HERC4: variants seen among roughly 807,000 people sequenced by gnomAD.
The protein encoded by HERC4 is probable E3 ubiquitin-protein ligase HERC4.
In HERC4, 28 loss-of-function variants were observed where a neutral mutation model predicts 124.3. The ratio of observed to expected loss-of-function variants is 0.23; its 90% CI spans 0.17 to 0.31. The LOEUF (loss-of-function observed/expected upper bound fraction) is 0.31, where lower values mean the gene tolerates loss of function less well. Ranked by LOEUF, HERC4 falls within the 10% of genes least tolerant of loss-of-function variation. The pLI is 1.00. For missense variants in HERC4, 713 were observed against 1,229.3 expected (o/e 0.58, Z 6.28); for synonymous variants, 407 against 421.5 (o/e 0.97, Z 0.42).
intron 7 of HERC4, among the ~76,000 whole-genome samples, chr10:68,030,286 C>T (rs1419632174): frequency 6.6e-6 from 1 of 151,528 alleles, no homozygotes; most frequent in African/African-American, 2.4e-5. Context: ...CAAAAAAATA[C>T]AAAAAATAGC....
intron 16 of HERC4, chr10:67,965,161 T>A (rs769698817): frequency 7.2e-5 from 11 of 152,234 alleles, no homozygotes; most frequent in Non-Finnish European, 1.3e-4. Context: ...TGAAATTCTC[T>A]CTGCCCTGAT....
chr10:68,052,715 T>A (rs1374288904), intron 3 of HERC4, among the ~76,000 whole-genome samples: 1 of 152,198 alleles, frequency 6.6e-6, no homozygotes, highest in East Asian at 1.9e-4. Context: ...TATCATCAAC[T>A]CCAATTCATT....
chr10:68,005,982 G>A (rs2037520924), intron 9 of HERC4, among the ~76,000 whole-genome samples: 3 of 152,088 alleles, frequency 2.0e-5, no homozygotes, highest in African/African-American at 7.2e-5. Flanking sequence ...AGGTTACCAG[G>A]CTTGCAAACA....
chr10:67,997,656 T>A (rs2036970218), intron 9 of HERC4, among the ~76,000 whole-genome samples: 2 of 152,298 alleles, frequency 1.3e-5, no homozygotes, highest in Admixed American at 1.3e-4. Context: ...AAGAGGTGAT[T>A]ATTAAAATTA....
At chr10:68,014,764 A>C (rs2038164535) in intron 8 of HERC4, among the ~76,000 whole-genome samples, 1 of 152,204 alleles carries the variant, frequency 6.6e-6, no homozygotes, top group Admixed American at 6.5e-5. Context: ...ACAGATCTGA[A>C]GCTAAGGATG....
intron 8 of HERC4, among the ~76,000 whole-genome samples, chr10:68,015,790 T>G (rs2038226334): frequency 6.6e-6 from 1 of 152,138 alleles, no homozygotes; most frequent in South Asian, 2.1e-4. Flanking sequence ...TGAATCATCT[T>G]GGGGTGAATC....
At chr10:67,969,946 T>G (rs551912388) in intron 15 of HERC4, among the ~76,000 whole-genome samples, 81 of 152,248 alleles carry the variant, frequency 5.3e-4, no homozygotes, top group African/African-American at 1.7e-3. Context: ...AGTTTACAAC[T>G]GACAAGAGGA....
At chr10:68,062,749 G>C (rs542256995) in intron 3 of HERC4, among the ~76,000 whole-genome samples, 1 of 151,786 alleles carries the variant, frequency 6.6e-6, no homozygotes, top group African/African-American at 2.4e-5. Context: ...AACAGAATGA[G>C]ACTCCATCTC....
chr10:67,934,968 T>C (rs1245854909), intron 22 of HERC4, among the ~76,000 whole-genome samples: 1 of 151,734 alleles, frequency 6.6e-6, no homozygotes, highest in Non-Finnish European at 1.5e-5. Context: ...CAAATGAGTT[T>C]TTTTTTTTTC....
intron 9 of HERC4, chr10:67,994,496 G>C (rs1010662217): frequency 6.6e-6 from 1 of 152,078 alleles, no homozygotes; most frequent in Non-Finnish European, 1.5e-5. Context: ...GCAGTGGCGC[G>C]ATCTTGGTTC....
intron 16 of HERC4, among the ~76,000 whole-genome samples, chr10:67,963,636 T>C (rs1329053684): frequency 6.6e-6 from 1 of 152,238 alleles, no homozygotes; most frequent in Non-Finnish European, 1.5e-5. Context: ...ACACTGGGCT[T>C]CTTAAGAAAT....
chr10:68,065,679 G>C (rs908147846), intron 3 of HERC4, among the ~76,000 whole-genome samples: 11 of 152,068 alleles, frequency 7.2e-5, no homozygotes, highest in Non-Finnish European at 1.2e-4. Flanking sequence ...GGGCAAAAGA[G>C]TGGAACCCTG....
chr10:68,070,246 G>A (rs769036704), intron 3 of HERC4: 174 of 976,610 alleles, frequency 1.8e-4, no homozygotes, highest in Non-Finnish European at 2.0e-4. Flanking sequence ...AATCATTAAC[G>A]AATTATTCCA....
rs1237269885 is a variant in HERC4, at chr10:68,034,080, G to C, written c.570C>G (p.Ile190Met). Residue 190 changes from isoleucine (I) to methionine (M), a missense_variant, in exon 6 of 25, where the codon ATC becomes ATG. By Grantham distance (10) the Ile-to-Met change is conservative (BLOSUM62 1). Coordinates refer to ENST00000373700, the MANE Select transcript of HERC4 (RefSeq NM_015601.4). Reference protein sequence around the residue: ...SPQLLKSLLGIPFMQVAAGGA... With the variant: ...SPQLLKSLLGMPFMQVAAGGA... ...CTCCTGCTGCAACTTGCATGAAAGG[G>C]ATTCCAAGCAAAGACTTAAGCAGCT... is the stretch of plus-strand genomic sequence containing the variant. 6.2e-7 allele frequency: 1 copy of C among 1,614,110 alleles called. No homozygotes were observed. The highest frequency in any genetic ancestry group is 1.1e-5 in the South Asian group (1 of 91,086).
intron 9 of HERC4, among the ~76,000 whole-genome samples, chr10:68,012,045 A>G (rs2037987881): frequency 1.3e-5 from 2 of 152,168 alleles, no homozygotes; most frequent in South Asian, 4.1e-4. Context: ...TCACGAACTA[A>G]TATTTGCTAG....
intron 3 of HERC4, chr10:68,070,130 G>C: frequency 1.0e-6 from 1 of 984,860 alleles, no homozygotes. Context: ...TAACCAACTT[G>C]CTCAATTACC....
At chr10:68,061,566 AG>A (rs1463258649) in intron 3 of HERC4, among the ~76,000 whole-genome samples, 1 of 140,814 alleles carries the variant, frequency 7.1e-6, no homozygotes, top group Non-Finnish European at 1.5e-5. Flanking sequence ...AAAAAGGAAT[AG>A]GTTTCTGTCA....
chr10:67,954,940 T>C (rs758122716), intron 18 of HERC4, 23 bp downstream of exon 18: 4 of 1,576,918 alleles, frequency 2.5e-6, no homozygotes, highest in Non-Finnish European at 3.4e-6. Context: ...GTCCCAATTA[T>C]ACCACAGAAA....
intron 21 of HERC4, among the ~76,000 whole-genome samples, chr10:67,938,348 G>A (rs2132104299): frequency 6.6e-6 from 1 of 151,682 alleles, no homozygotes; most frequent in South Asian, 2.1e-4. Flanking sequence ...GGCTGAGGCA[G>A]GAGAATTGCT....
Sources: gnomAD v4.1 joint callset for allele counts (sites outside exome capture counted in the v4.1 genomes callset) on GRCh38, gnomAD v4.1.1 for gene constraint, MANE v1.5 for transcripts, NCBI Gene and HGNC (gene_info 2026-07-23, HGNC 2026-07-21) for gene names.